The following SLC27A1 variants were observed in gnomAD, a reference collection of about 807,000 sequenced individuals.
SLC27A1 encodes the protein long-chain fatty acid transport protein 1.
A neutral mutation model predicts 62.2 loss-of-function variants in SLC27A1; 61 were observed. The observed-to-expected ratio is 0.98, with a 90% CI of 0.80 to 1.21. The LOEUF (loss-of-function observed/expected upper bound fraction) is 1.21, where lower values mean the gene tolerates loss of function less well. Among genes scored for constraint, SLC27A1 ranks in the 50% most tolerant of loss-of-function variants. The pLI is 0.00. For synonymous variants in SLC27A1, 435 were observed against 408.6 expected (o/e 1.06, Z -0.78); for missense variants, 903 against 932.1 (o/e 0.97, Z 0.41).
At chr19:17,504,276 AG>A (rs556201170) in intron 11 of SLC27A1, among the ~76,000 whole-genome samples, 178 bp from the exon 12 acceptor site, 389 of 152,164 alleles carry the variant, frequency 2.6e-3, no homozygotes, top group Non-Finnish European at 4.2e-3. Context: ...TCACTGGAGG[AG>A]GGGGCATGAA....
chr19:17,501,951 A>C (rs2075419170), intron 11 of SLC27A1, among the ~76,000 whole-genome samples: 1 of 151,608 alleles, frequency 6.6e-6, no homozygotes, highest in Admixed American at 6.6e-5. Context: ...GTCTCTACTA[A>C]AAATACAAAA....
chr19:17,486,931 T>C lies in SLC27A1; in HGVS notation c.536T>C (p.Leu179Pro). The part of the protein sequence containing the change: ...FCLGTSGAKA[L>P]IFGGEMVAAV... ...CTGGGCACCTCGGGCGCTAAGGCCC[T>C]GATCTTTGGAGGAGAAATGGTGGCG... is the stretch of plus-strand genomic sequence containing the variant. The change falls in exon 2 of 12, where the codon CTG (leucine) becomes CCG (proline). Residue 179 changes from leucine to proline, a missense_variant. By Grantham distance (98) the Leu-to-Pro change is moderately conservative (BLOSUM62 -3). Coordinates refer to ENST00000252595, the MANE Select transcript of SLC27A1 (RefSeq NM_198580.3). This position sits in a 1 kb window ranked among gnomAD's most constrained non-coding sequence, Gnocchi z 6.6. 1 of 1,586,328 alleles carries C rather than the reference T, an allele frequency of 6.3e-7. No homozygotes were observed.
At chr19:17,497,556 C>G in intron 7 of SLC27A1, 92 bp downstream of exon 7, 2 of 1,209,598 alleles carry the variant, frequency 1.7e-6, no homozygotes, top group South Asian at 1.3e-5. Context: ...ATAAAACAGC[C>G]TGGACTGGCG....
intron 1 of SLC27A1, among the ~76,000 whole-genome samples, chr19:17,481,838 TAAG>T (rs780356180): frequency 1.8e-4 from 27 of 152,048 alleles, no homozygotes; most frequent in Non-Finnish European, 3.5e-4. Flanking sequence ...GTTCTCTCCT[TAAG>T]GAGGGAACTC....
intron 6 of SLC27A1, among the ~76,000 whole-genome samples, chr19:17,494,559 T>G (rs1282831093): frequency 1.3e-5 from 2 of 150,520 alleles, no homozygotes; most frequent in African/African-American, 4.9e-5. Context: ...ACTCCTGACC[T>G]CAGGTGATCC....
intron 4 of SLC27A1, 111 bp downstream of exon 4, chr19:17,487,640 C>A: frequency 1.9e-6 from 2 of 1,073,864 alleles, no homozygotes; most frequent in Non-Finnish European, 2.7e-6. Flanking sequence ...ACCCTGGGGA[C>A]AGAGAGGGCA....
Position 17,505,938 on chromosome 19 carries a change from G to A in SLC27A1, c.*1326G>A, listed in dbSNP as rs15401. On this transcript the variant is annotated 3_prime_UTR_variant, in exon 12 of 12. Transcript: ENST00000252595. ...ATGTCCCAGACAATCCCACCAGGAC[G>A]GCCCAGACATCCCTACTGGCTTCGC... 0.13 allele frequency: 19,317 copies of A among 152,136 alleles called. 1,618 individuals carry two copies. Among genetic ancestry groups the A allele is most frequent in the African/African-American group, 0.23 (9,522 of 41,466 alleles). The allele number at this position is 152,136 out of a possible 1,614,324, so 9.4% of individuals were successfully genotyped here.
At chr19:17,490,350 C>T (rs1005426064) in intron 6 of SLC27A1, among the ~76,000 whole-genome samples, 2 of 151,880 alleles carry the variant, frequency 1.3e-5, no homozygotes, top group African/African-American at 2.4e-5. Flanking sequence ...GAAGAGGTTT[C>T]GCCATGTTGC....
At position 17,486,901 on chromosome 19, in the gene SLC27A1, TC is replaced by T; in HGVS notation, c.507del (p.Cys170AlafsTer10). On this transcript the variant is annotated frameshift_variant, in exon 2 of 12. Transcript: ENST00000252595. LOFTEE classifies it high-confidence loss of function. The surrounding 1 kb of genome is among the most constrained non-coding windows in gnomAD (Gnocchi z 6.6). ...AACCTGCGGCGCGAGCCCCTGGCCT[TC>T]TGCCTGGGCACCTCGGGCGCTAAGG... ...NVNLRREPLA[F>X]CLGTSGAKAL... The T allele has an allele frequency of 6.3e-7, 1 of 1,591,816 alleles. No homozygotes were observed. The highest frequency in any genetic ancestry group is 2.2e-5 in the East Asian group (1 of 44,592).
In SLC27A1 at chr19:17,483,482, T is replaced by C. The variant is rs375685851; in HGVS notation, c.168-3081T>C. Among the ~76,000 whole-genome samples, 9 of 152,160 alleles carry C rather than the reference T, an allele frequency of 5.9e-5. No homozygotes were observed. The South Asian group carries it at 1.0e-3, about 18-fold the overall frequency. On this transcript the variant is annotated intron_variant, in intron 1 of 11. Coordinates refer to ENST00000252595, the MANE Select transcript of SLC27A1 (RefSeq NM_198580.3). ...GGTCATGGTGGGTAGGGAAGTATTG[T>C]CACTAGGAGTTCAGCAGCCTGCTCA...
At chr19:17,482,344 C>T (rs1038756371) in intron 1 of SLC27A1, among the ~76,000 whole-genome samples, 2 of 152,110 alleles carry the variant, frequency 1.3e-5, no homozygotes, top group African/African-American at 4.8e-5. Flanking sequence ...CATGACGAAA[C>T]TCCGTCTCTA....
chr19:17,472,947 T>C (rs1320433464), intron 1 of SLC27A1, among the ~76,000 whole-genome samples: 1 of 152,048 alleles, frequency 6.6e-6, no homozygotes, highest in Non-Finnish European at 1.5e-5. Flanking sequence ...AACGCCTGCC[T>C]CCGCTCCTGG....
chr19:17,469,374 A>G (rs8110830), upstream of SLC27A1, among the ~76,000 whole-genome samples: 127,706 of 151,956 alleles, frequency 0.84, 54,627 homozygotes, highest in Non-Finnish European at 0.91. Flanking sequence ...GACAAGCTGG[A>G]GCAAGAATAC....
At chr19:17,475,074 CCG>C (rs2075110266) in intron 1 of SLC27A1, among the ~76,000 whole-genome samples, 1 of 151,930 alleles carries the variant, frequency 6.6e-6, no homozygotes, top group Admixed American at 6.6e-5. Context: ...GCCACCACAC[CCG>C]GATAATTTTT....
intron 6 of SLC27A1, chr19:17,496,992 C>G (rs1048624899): frequency 2.4e-6 from 1 of 413,188 alleles, no homozygotes; most frequent in African/African-American, 2.1e-5. Flanking sequence ...CACTGCACTC[C>G]AGCCTGGGCG....
chr19:17,501,105 T>G (rs2075407608), intron 10 of SLC27A1, among the ~76,000 whole-genome samples, 168 bp from the exon 11 acceptor site: 1 of 152,192 alleles, frequency 6.6e-6, no homozygotes. Flanking sequence ...AGGGCTTCAA[T>G]GAGCCAAGCA....
intron 1 of SLC27A1, among the ~76,000 whole-genome samples, chr19:17,471,517 TG>T (rs1286860500): frequency 1.3e-5 from 2 of 151,930 alleles, no homozygotes; most frequent in African/African-American, 2.4e-5. Context: ...AACGAGCCGT[TG>T]GGGGTCCTTC....
At chr19:17,503,626 A>G (rs2075440655) in intron 11 of SLC27A1, 1 of 84,644 alleles carries the variant, frequency 1.2e-5, no homozygotes, top group Non-Finnish European at 3.4e-5. Context: ...CACCCAGCTA[A>G]TTTAAAAAAA....
At chr19:17,479,958 G>A (rs961226728) in intron 1 of SLC27A1, among the ~76,000 whole-genome samples, 1 of 151,816 alleles carries the variant, frequency 6.6e-6, no homozygotes, top group Non-Finnish European at 1.5e-5. Context: ...CTGCTCTTTG[G>A]AAGCTACAGT....
Sources: allele counts gnomAD v4.1 joint callset (sites outside exome capture counted in the v4.1 genomes callset), GRCh38; gene constraint gnomAD v4.1.1; non-coding constraint Gnocchi (gnomAD v3.1); transcripts MANE v1.5; gene names NCBI Gene and HGNC (gene_info 2026-07-23, HGNC 2026-07-21).